ZNF430: variants seen among roughly 807,000 people sequenced by gnomAD.
The protein encoded by ZNF430 is zinc finger protein 430.
A neutral mutation model predicts 56.7 loss-of-function variants in ZNF430; 35 were observed. That is an observed-to-expected ratio of 0.62 (90% CI 0.47 to 0.82). The LOEUF (loss-of-function observed/expected upper bound fraction) is 0.82, where lower values mean the gene tolerates loss of function less well. ZNF430 is among the 40% of genes least tolerant of loss of function. The pLI is 0.00. For missense variants in ZNF430, 574 were observed against 661.0 expected (o/e 0.87, Z 1.44); for synonymous variants, 212 against 224.3 (o/e 0.94, Z 0.49).
chr19:21,050,738 G>A (rs1968268874), intron 4 of ZNF430, among the ~76,000 whole-genome samples: 1 of 152,012 alleles, frequency 6.6e-6, no homozygotes, highest in African/African-American at 2.4e-5. Context: ...TTTAAAATAT[G>A]CTGTTTAGGC....
intron 2 of ZNF430, among the ~76,000 whole-genome samples, chr19:21,024,358 T>C (rs1967752587): frequency 6.6e-6 from 1 of 152,152 alleles, no homozygotes; most frequent in South Asian, 2.1e-4. Context: ...CAAAGTTAGA[T>C]TTATGTTAAA....
intron 2 of ZNF430, among the ~76,000 whole-genome samples, chr19:21,026,385 C>T (rs2144751190): frequency 6.6e-6 from 1 of 152,130 alleles, no homozygotes; most frequent in South Asian, 2.1e-4. Context: ...GATGGAGTTT[C>T]ACCATGTTGA....
Position 21,020,781 on chromosome 19 carries a change from G to A in ZNF430, c.-20G>A, listed in dbSNP as rs369128066. The A allele has an allele frequency of 6.2e-7, 1 of 1,613,804 alleles. No homozygotes were observed. Among genetic ancestry groups the A allele is most frequent in the Non-Finnish European group, 8.5e-7 (1 of 1,179,794 alleles). On this transcript the variant is annotated 5_prime_UTR_variant, in exon 1 of 5. Transcript: ENST00000261560. ...GGGAGATCTACAGCTAAGACGCCAG[G>A]AACCCCTGGAAGCCTAGAAATGGTG...
chr19:21,033,331 T>C lies in ZNF430; in HGVS notation c.97-125T>C, dbSNP rs376966320. 270 of 1,326,004 alleles carry C rather than the reference T, an allele frequency of 2.0e-4. 3 individuals are homozygous for C. In the Middle Eastern group the frequency reaches 2.2e-3, roughly 11 times the overall value. 82.1% of individuals were successfully genotyped at this position (1,326,004 alleles called of 1,614,324 possible). ...AAAAAAAAAAAATTATTGGATAATT[T>C]CAGTCATTCCTGCAAATCAGAACCA... On this transcript the variant is annotated intron_variant, in intron 2 of 4. Transcript: ENST00000261560.
intron 4 of ZNF430, among the ~76,000 whole-genome samples, chr19:21,037,915 A>C (rs1968032737): frequency 6.6e-6 from 1 of 152,160 alleles, no homozygotes; most frequent in African/African-American, 2.4e-5. Flanking sequence ...TTTTCAAATC[A>C]AGTTATTTAA....
Position 21,056,969 on chromosome 19 carries a change from A to G in ZNF430, c.661A>G (p.Thr221Ala), listed in dbSNP as rs764567373. 4 of 1,613,966 alleles carry G rather than the reference A, an allele frequency of 2.5e-6. No individual in the cohort carries two copies. The Admixed American group carries it at 6.7e-5, about 27-fold the overall frequency. The change falls in exon 5 of 5, where the codon ACT becomes GCT. Residue 221 changes from threonine (T) to alanine (A), a missense_variant. Physicochemically the swap from Thr to Ala is moderately conservative, Grantham distance 58 (BLOSUM62 0). Around this residue, in one of 3 missense-constraint regions of ZNF430, gnomAD observed 346 missense variants for 399.1 expected, o/e 0.87. Coordinates refer to ENST00000261560, the MANE Select transcript of ZNF430 (RefSeq NM_025189.4). ...ATCGTTTTGCATGCTTTTACACCTA[A>G]CTCAACATAAAAGAATTCATATTAG... ...DKSFCMLLHL[T>A]QHKRIHIREN...
intron 4 of ZNF430, among the ~76,000 whole-genome samples, chr19:21,045,204 G>A (rs893790803): frequency 3.3e-5 from 5 of 152,088 alleles, no homozygotes; most frequent in African/African-American, 1.2e-4. Context: ...TTTTGCTGTG[G>A]CTATGTAGTG....
rs1205047371 is a variant in ZNF430, at chr19:21,032,928, TAC to T, written c.97-526_97-525del. 3.3e-5 allele frequency among the ~76,000 whole-genome samples: 5 copies of T among 152,336 alleles called. No homozygotes were observed. The South Asian group carries it at 6.2e-4, about 19-fold the overall frequency. On this transcript the variant is annotated intron_variant, in intron 2 of 4. Transcript: ENST00000261560. Reference sequence around the variant, plus strand: ...TGATGTAAATATAGCACTCGAAGTGTACAAATTTTTGTTTATGCCCTTAATTT... The same window carrying T: ...TGATGTAAATATAGCACTCGAAGTGTAAATTTTTGTTTATGCCCTTAATTT...
chr19:21,021,428 G>A (rs1967681253), intron 1 of ZNF430, among the ~76,000 whole-genome samples: 1 of 151,986 alleles, frequency 6.6e-6, no homozygotes. Context: ...GAACCTGGGA[G>A]GTGGAGATTG....
chr19:21,025,646 G>A (rs1433080995), intron 2 of ZNF430, among the ~76,000 whole-genome samples: 2 of 151,940 alleles, frequency 1.3e-5, no homozygotes, highest in African/African-American at 2.4e-5. Flanking sequence ...GAGTGCAACG[G>A]CATCATCTCG....
At chr19:21,041,225 T>A (rs534045037) in intron 4 of ZNF430, among the ~76,000 whole-genome samples, 10 of 152,240 alleles carry the variant, frequency 6.6e-5, no homozygotes, top group African/African-American at 2.4e-4. Flanking sequence ...CCTCCCAAAC[T>A]CAGATGATCT....
intron 4 of ZNF430, among the ~76,000 whole-genome samples, chr19:21,054,667 G>GTTTTTTTTTTTTT (rs1289642226): frequency 9.5e-6 from 1 of 105,796 alleles, no homozygotes; most frequent in African/African-American, 3.4e-5. Flanking sequence ...TCATTTTTAC[G>GTTTTTTTTTTTTT]TCTTTTTTTT....
intron 4 of ZNF430, among the ~76,000 whole-genome samples, chr19:21,048,339 C>A (rs979073779): frequency 5.2e-4 from 78 of 150,490 alleles, no homozygotes; most frequent in Admixed American, 2.9e-3. Flanking sequence ...CGGCCTTCCG[C>A]AGTGTTTGTG....
chr19:21,051,239 G>T (rs1437875225), intron 4 of ZNF430, among the ~76,000 whole-genome samples: 1 of 151,544 alleles, frequency 6.6e-6, no homozygotes, highest in African/African-American at 2.4e-5. Flanking sequence ...TCTTTTTGTG[G>T]CTGGCTCATT....
intron 4 of ZNF430, chr19:21,036,936 C>T (rs1207040754): frequency 4.6e-5 from 7 of 152,000 alleles, no homozygotes; most frequent in African/African-American, 1.5e-4. Flanking sequence ...AACAGCAACC[C>T]ATTTTACCCT....
intron 4 of ZNF430, among the ~76,000 whole-genome samples, chr19:21,051,969 C>T (rs142761050): frequency 4.6e-4 from 69 of 151,462 alleles, no homozygotes; most frequent in African/African-American, 1.7e-3. Flanking sequence ...GTTTCTGTTT[C>T]CTCAAAAATG....
In ZNF430 at chr19:21,057,268, A is replaced by T. The variant is rs1968396178; in HGVS notation, c.960A>T (p.Glu320Asp). The change falls in exon 5 of 5, where the codon GAA becomes GAT. Residue 320 changes from glutamate (E) to aspartate (D), a missense_variant. By Grantham distance (45) the Glu-to-Asp change is conservative. This residue lies in a region of ZNF430 where 346 missense variants were observed against 399.1 expected (regional missense o/e 0.87). Transcript: ENST00000261560. ...IHTGEKPYRC[E>D]ECGRAFNRSS... ...CTGGAGAGAAACCCTACAGATGTGA[A>T]GAATGTGGCAGAGCTTTTAACCGGT... is the stretch of plus-strand genomic sequence containing the variant. 1 of 1,613,262 alleles carries T rather than the reference A, an allele frequency of 6.2e-7. No homozygotes were observed. The highest frequency in any genetic ancestry group is 1.7e-5 in the Admixed American group (1 of 59,964).
intron 2 of ZNF430, among the ~76,000 whole-genome samples, chr19:21,032,447 G>A (rs1188933471): frequency 6.6e-6 from 1 of 152,180 alleles, no homozygotes; most frequent in African/African-American, 2.4e-5. Flanking sequence ...AAATTTGTTG[G>A]CTGGGTGTGG....
intron 4 of ZNF430, among the ~76,000 whole-genome samples, chr19:21,040,736 G>A (rs1968087593): frequency 6.6e-6 from 1 of 151,886 alleles, no homozygotes; most frequent in South Asian, 2.1e-4. Context: ...ATTGCAAATG[G>A]GATCTTGATG....
Sources: allele counts gnomAD v4.1 joint callset (sites outside exome capture counted in the v4.1 genomes callset), GRCh38; gene constraint gnomAD v4.1.1; regional missense constraint gnomAD v4.1.1; transcripts MANE v1.5; gene names NCBI Gene and HGNC (gene_info 2026-07-23, HGNC 2026-07-21).